Variants in CDH13 observed in about 807,000 individuals in gnomAD.
CDH13 encodes the protein cadherin 13.
In CDH13, 24 loss-of-function variants were observed where a neutral mutation model predicts 63.8. The observed-to-expected ratio is 0.38, with a 90% CI of 0.27 to 0.53. CDH13 has a LOEUF of 0.53. Ranked by LOEUF, CDH13 falls within the 20% of genes least tolerant of loss-of-function variation. CDH13 has a pLI of 0.85. For missense variants in CDH13, 1,049 were observed against 903.1 expected (o/e 1.16, Z -2.07); for synonymous variants, 503 against 355.3 (o/e 1.42, Z -4.67).
At chr16:83,432,868 G>A (rs1406689524) in intron 6 of CDH13, among the ~76,000 whole-genome samples, 1 of 152,218 alleles carries the variant, frequency 6.6e-6, no homozygotes, top group Non-Finnish European at 1.5e-5. Flanking sequence ...AATGTGTAGT[G>A]TTCAAAGAAA....
chr16:82,908,583 A>G (rs760274032), intron 2 of CDH13, among the ~76,000 whole-genome samples: 1 of 152,198 alleles, frequency 6.6e-6, no homozygotes, highest in Non-Finnish European at 1.5e-5. Context: ...AGAAAAACAG[A>G]TATTCCCTTT....
At chr16:83,647,603 T>A (rs1490023338) in intron 8 of CDH13, among the ~76,000 whole-genome samples, 3 of 152,228 alleles carry the variant, frequency 2.0e-5, no homozygotes, top group African/African-American at 7.2e-5. Flanking sequence ...CAAGGGACTC[T>A]GTTTCCATTC....
chr16:82,683,206 G>T (rs927708384), intron 1 of CDH13, among the ~76,000 whole-genome samples: 1 of 152,116 alleles, frequency 6.6e-6, no homozygotes, highest in African/African-American at 2.4e-5. Flanking sequence ...GTCTCAGCCC[G>T]GGGTCTTGTT....
rs115971615 is a variant in CDH13, at chr16:83,527,724, C to G, written c.960+41069C>G. Among the ~76,000 whole-genome samples the G allele has an allele frequency of 7.7e-3, 1,174 of 152,266 alleles. 12 individuals carry two copies. The highest frequency in any genetic ancestry group is 0.027 in the African/African-American group (1,106 of 41,558). On this transcript the variant is annotated intron_variant, in intron 7 of 13. Transcript: ENST00000567109. ...TGCTGAGACAACACCCAGTCTAGGA[C>G]TTGGCATCAAATAAGCAACCCTATA... is the stretch of plus-strand genomic sequence containing the variant.
intron 7 of CDH13, among the ~76,000 whole-genome samples, chr16:83,575,563 C>G (rs922752695): frequency 3.9e-5 from 6 of 152,182 alleles, no homozygotes; most frequent in Admixed American, 2.6e-4. Flanking sequence ...TTTCCATCTT[C>G]ACCCATGCCC....
intron 2 of CDH13, among the ~76,000 whole-genome samples, chr16:82,980,515 T>C (rs1910122179): frequency 6.6e-6 from 1 of 152,200 alleles, no homozygotes; most frequent in Non-Finnish European, 1.5e-5. Context: ...ATAATGTACT[T>C]TAAAACTAAT....
intron 1 of CDH13, among the ~76,000 whole-genome samples, chr16:82,814,555 G>A (rs1270797154): frequency 6.6e-6 from 1 of 152,142 alleles, no homozygotes; most frequent in Non-Finnish European, 1.5e-5. Context: ...GTTTCTGGAG[G>A]GTGGTGTGCC....
chr16:83,052,354 T>A (rs1343900754), intron 3 of CDH13, among the ~76,000 whole-genome samples: 2 of 152,244 alleles, frequency 1.3e-5, no homozygotes, highest in African/African-American at 2.4e-5. Flanking sequence ...CAATTCAGGT[T>A]CATATATTTT....
intron 3 of CDH13, among the ~76,000 whole-genome samples, chr16:83,094,645 A>AATG (rs2034104272): frequency 6.6e-6 from 1 of 152,214 alleles, no homozygotes; most frequent in Non-Finnish European, 1.5e-5. Context: ...TGGCTGAAAG[A>AATG]ATGAATGCTT....
intron 2 of CDH13, among the ~76,000 whole-genome samples, chr16:83,031,148 G>C (rs999898818): frequency 1.4e-5 from 2 of 141,432 alleles, no homozygotes; most frequent in African/African-American, 5.3e-5. Context: ...TACCATATGT[G>C]TGTATATGGT....
At chr16:83,776,507 G>C (rs974339937) in intron 11 of CDH13, among the ~76,000 whole-genome samples, 1 of 152,162 alleles carries the variant, frequency 6.6e-6, no homozygotes, top group South Asian at 2.1e-4. Flanking sequence ...TGCTATTTTA[G>C]CAGACATTTA....
chr16:82,648,526 G>A (rs1184110816), intron 1 of CDH13, among the ~76,000 whole-genome samples: 2 of 152,150 alleles, frequency 1.3e-5, no homozygotes, highest in Non-Finnish European at 2.9e-5. Context: ...TCATATGAAT[G>A]AGAATTGAAT....
At chr16:83,717,996 C>G (rs183624992) in intron 10 of CDH13, 7 of 152,220 alleles carry the variant, frequency 4.6e-5, no homozygotes, top group African/African-American at 1.7e-4. Flanking sequence ...AACAATCAAC[C>G]GCTGTCTGGT....
At chr16:83,328,443 A>T (rs533151235) in intron 5 of CDH13, among the ~76,000 whole-genome samples, 1 of 152,256 alleles carries the variant, frequency 6.6e-6, no homozygotes, top group African/African-American at 2.4e-5. Flanking sequence ...TGCAGGCCAC[A>T]GTGAGAACTT....
chr16:83,272,648 C>G (rs937700771), intron 5 of CDH13, among the ~76,000 whole-genome samples: 1 of 152,130 alleles, frequency 6.6e-6, no homozygotes, highest in Non-Finnish European at 1.5e-5. Flanking sequence ...AAATCATAAT[C>G]ATTTGCGTTA....
intron 2 of CDH13, among the ~76,000 whole-genome samples, chr16:83,005,938 G>C (rs1009192827): frequency 7.9e-5 from 12 of 152,164 alleles, no homozygotes; most frequent in Non-Finnish European, 1.3e-4. Flanking sequence ...TGGTTTTTTG[G>C]TTGGTTGGTT....
At chr16:83,466,616 C>T (rs978057642) in intron 6 of CDH13, among the ~76,000 whole-genome samples, 1 of 152,226 alleles carries the variant, frequency 6.6e-6, no homozygotes, top group Non-Finnish European at 1.5e-5. Context: ...TCAATGTGTA[C>T]AGCTCATGTC....
chr16:83,424,279 C>G (rs920549941), intron 6 of CDH13, among the ~76,000 whole-genome samples: 1 of 152,152 alleles, frequency 6.6e-6, no homozygotes, highest in African/African-American at 2.4e-5. Flanking sequence ...GAGGAAAATC[C>G]AACATGGACT....
intron 10 of CDH13, among the ~76,000 whole-genome samples, chr16:83,724,460 G>A (rs1377085010): frequency 6.6e-6 from 1 of 150,968 alleles, no homozygotes; most frequent in Non-Finnish European, 1.5e-5. Context: ...TGCATGGGTG[G>A]ATGATGAATG....
Sources: allele counts gnomAD v4.1 joint callset (sites outside exome capture counted in the v4.1 genomes callset), GRCh38; gene constraint gnomAD v4.1.1; transcripts MANE v1.5; gene names NCBI Gene and HGNC (gene_info 2026-07-23, HGNC 2026-07-21).